NCAM2: variants seen among roughly 807,000 people sequenced by gnomAD.
NCAM2 encodes the protein N-CAM-2.
NCAM2 carries 30 observed loss-of-function variants against 98.1 expected under a neutral mutation model. The observed-to-expected ratio is 0.31, with a 90% CI of 0.23 to 0.41. The LOEUF (loss-of-function observed/expected upper bound fraction) is 0.41. NCAM2 is among the 10% of genes least tolerant of loss of function. The pLI is 1.00. For synonymous variants in NCAM2, 368 were observed against 342.4 expected (o/e 1.07, Z -0.83); for missense variants, 867 against 1,005.8 (o/e 0.86, Z 1.87).
intron 1 of NCAM2, among the ~76,000 whole-genome samples, chr21:21,015,223 T>C (rs560353723): frequency 1.3e-5 from 2 of 152,334 alleles, no homozygotes; most frequent in East Asian, 3.9e-4. Context: ...TTGAGAAGAC[T>C]GACTTCAATT....
intron 15 of NCAM2, among the ~76,000 whole-genome samples, chr21:21,486,426 A>C (rs1008905216): frequency 2.6e-5 from 4 of 151,282 alleles, no homozygotes; most frequent in African/African-American, 9.7e-5. Context: ...TTTTGTTTTT[A>C]AATCACCATA....
chr21:21,493,851 C>T (rs760280432), intron 15 of NCAM2, among the ~76,000 whole-genome samples: 23 of 151,848 alleles, frequency 1.5e-4, no homozygotes, highest in Non-Finnish European at 2.8e-4. Context: ...TAGCAACATG[C>T]ATTCAAGGTT....
intron 15 of NCAM2, among the ~76,000 whole-genome samples, chr21:21,496,006 A>AATAT (rs61570411): frequency 6.8e-6 from 1 of 147,530 alleles, no homozygotes. Flanking sequence ...ATATATATGA[A>AATAT]ATATATATAT....
intron 9 of NCAM2, among the ~76,000 whole-genome samples, chr21:21,374,806 A>G (rs1316581544): frequency 6.6e-6 from 1 of 151,816 alleles, no homozygotes; most frequent in Non-Finnish European, 1.5e-5. Flanking sequence ...TTTCTATTGG[A>G]GCATGTCTAG....
chr21:21,277,380 A>G (rs2072766474), intron 1 of NCAM2, among the ~76,000 whole-genome samples: 1 of 152,154 alleles, frequency 6.6e-6, no homozygotes. Context: ...GGAAATTCCT[A>G]CTGATCAAAG....
Position 21,305,343 on chromosome 21 carries a change from A to C in NCAM2, c.619+13102A>C, listed in dbSNP as rs1223560840. 2.0e-5 allele frequency among the ~76,000 whole-genome samples: 3 copies of C among 152,170 alleles called. No individual in the cohort carries two copies. The East Asian group carries it at 5.8e-4, about 29-fold the overall frequency. ...AAATAATAATAATAATAACAATAAA[A>C]ATAATAATATCACTATGAATAAAGA... On this transcript the variant is annotated intron_variant, in intron 5 of 17. Transcript: ENST00000400546.
chr21:21,407,429 T>A (rs941221057), intron 9 of NCAM2, among the ~76,000 whole-genome samples: 2 of 152,178 alleles, frequency 1.3e-5, no homozygotes, highest in African/African-American at 2.4e-5. Flanking sequence ...CACACTGAGA[T>A]CATCAGGCAA....
chr21:21,280,728 A>T lies in NCAM2; in HGVS notation c.130+76A>T, dbSNP rs1020375276. 17 of 963,948 alleles carry T rather than the reference A, an allele frequency of 1.8e-5. 1 individual carries two copies. The East Asian group carries it at 4.7e-4, about 27-fold the overall frequency. The allele number at this position is 963,948 out of a possible 1,614,324, so 59.7% of individuals were successfully genotyped here. On this transcript the variant is annotated intron_variant, in intron 2 of 17. Transcript: ENST00000400546. ...TAATAAAATGTGTTGGCTAAATTTA[A>T]CTAGTTAAAAACTCAGTTCTCTAAC...
At chr21:21,108,095 A>C (rs1389831892) in intron 1 of NCAM2, among the ~76,000 whole-genome samples, 1 of 152,082 alleles carries the variant, frequency 6.6e-6, no homozygotes, top group African/African-American at 2.4e-5. Flanking sequence ...TAATTCTTTA[A>C]ATCCTGTACT....
intron 1 of NCAM2, among the ~76,000 whole-genome samples, chr21:21,225,631 T>C (rs1186835242): frequency 2.0e-5 from 3 of 152,076 alleles, no homozygotes; most frequent in Non-Finnish European, 4.4e-5. Context: ...GTTTATTTTA[T>C]TTAAATTTTA....
At chr21:21,051,043 AAATAACCCTTC>A (rs1260084653) in intron 1 of NCAM2, among the ~76,000 whole-genome samples, 1 of 152,198 alleles carries the variant, frequency 6.6e-6, no homozygotes, top group Admixed American at 6.5e-5. Context: ...TATGTGGTGC[AAATAACCCTTC>A]AATAAAAGAA....
chr21:21,093,279 A>C (rs377380957), intron 1 of NCAM2, among the ~76,000 whole-genome samples: 1 of 152,120 alleles, frequency 6.6e-6, no homozygotes, highest in South Asian at 2.1e-4. Context: ...CCTCTTCTTC[A>C]GGGAACTGTC....
chr21:21,133,572 A>G (rs1320805519), intron 1 of NCAM2, among the ~76,000 whole-genome samples: 2 of 152,218 alleles, frequency 1.3e-5, no homozygotes, highest in Non-Finnish European at 1.5e-5. Context: ...CAACTGTGGT[A>G]TTAATTAGTC....
At chr21:21,497,927 A>G (rs1384813677) in intron 15 of NCAM2, among the ~76,000 whole-genome samples, 1 of 152,144 alleles carries the variant, frequency 6.6e-6, no homozygotes, top group Non-Finnish European at 1.5e-5. Context: ...GATGAATTTT[A>G]CTCAGAATTT....
rs768387915 is a variant in NCAM2 at position 21,201,617 on chromosome 21, T to C, written c.56-78961T>C. 4.6e-5 allele frequency among the ~76,000 whole-genome samples: 7 copies of C among 152,208 alleles called. No homozygotes were observed. In the East Asian group the frequency reaches 1.3e-3, roughly 29 times the overall value. On this transcript the variant is annotated intron_variant, in intron 1 of 17. Transcript: ENST00000400546. ...TCACTAGATGGATATCTCTGATGCT[T>C]AAACTTGGGTACACAATGTAGTTCA...
At chr21:21,040,393 A>G (rs1601174706) in intron 1 of NCAM2, among the ~76,000 whole-genome samples, 1 of 152,008 alleles carries the variant, frequency 6.6e-6, no homozygotes, top group Non-Finnish European at 1.5e-5. Context: ...GTGGGTGTGT[A>G]TAATTATTTA....
chr21:21,203,556 C>T (rs1458282134), intron 1 of NCAM2, among the ~76,000 whole-genome samples: 1 of 152,060 alleles, frequency 6.6e-6, no homozygotes, highest in African/African-American at 2.4e-5. Flanking sequence ...GTCTGATTTC[C>T]TACAGGTTAC....
intron 1 of NCAM2, among the ~76,000 whole-genome samples, chr21:21,000,209 A>G (rs1257869823): frequency 2.6e-5 from 4 of 152,210 alleles, no homozygotes; most frequent in Non-Finnish European, 5.9e-5. Flanking sequence ...CATTTATAGC[A>G]TAGACAGGTA....
chr21:21,310,460 G>T (rs2074010454), intron 5 of NCAM2, among the ~76,000 whole-genome samples: 1 of 152,108 alleles, frequency 6.6e-6, no homozygotes, highest in Non-Finnish European at 1.5e-5. Flanking sequence ...AGAAGAGTCT[G>T]ATGAACTGAA....
Sources: allele counts gnomAD v4.1 joint callset (sites outside exome capture counted in the v4.1 genomes callset), GRCh38; gene constraint gnomAD v4.1.1; transcripts MANE v1.5; gene names NCBI Gene and HGNC (gene_info 2026-07-23, HGNC 2026-07-21).